Variants in GAS2 observed in about 807,000 individuals in gnomAD.
GAS2 encodes growth arrest-specific protein 2.
A neutral mutation model predicts 37.5 loss-of-function variants in GAS2; 20 were observed. The observed-to-expected ratio is 0.53, with a 90% CI of 0.37 to 0.77. The LOEUF (loss-of-function observed/expected upper bound fraction) is 0.77. Among genes scored for constraint, GAS2 ranks in the 30% least tolerant of loss-of-function variants. The probability of loss-of-function intolerance (pLI) is 0.00; values close to 1 mark genes in which losing one functional copy is unlikely to be tolerated. For missense variants in GAS2, 336 were observed against 373.4 expected (o/e 0.90, Z 0.82); for synonymous variants, 144 against 132.2 (o/e 1.09, Z -0.61).
At chr11:22,747,690 C>T (rs1853487147) in intron 5 of GAS2, among the ~76,000 whole-genome samples, 1 of 152,088 alleles carries the variant, frequency 6.6e-6, no homozygotes, top group African/African-American at 2.4e-5. Flanking sequence ...ACTATCTAGT[C>T]ACAAGCAAAG....
intron 1 of GAS2, among the ~76,000 whole-genome samples, chr11:22,655,305 C>T (rs1056479043): frequency 4.6e-5 from 7 of 152,268 alleles, no homozygotes; most frequent in African/African-American, 1.7e-4. Context: ...TTTGATTCTG[C>T]ATTAGGTTAG....
chr11:22,640,237 G>A (rs780650282), intron 1 of GAS2, among the ~76,000 whole-genome samples: 14 of 152,230 alleles, frequency 9.2e-5, no homozygotes, highest in African/African-American at 3.4e-4. Context: ...GCTTTAAGTG[G>A]CCTTAAAGCC....
At position 22,812,766 on chromosome 11, in the gene GAS2, TAC is replaced by T. The variant is rs1201972500; in HGVS notation, c.*752_*753del. 6.6e-6 allele frequency: 1 copy of T among 152,602 alleles called. No homozygotes were observed. Among genetic ancestry groups the T allele is most frequent in the African/African-American group, 2.4e-5 (1 of 41,460 alleles). 9.5% of individuals were successfully genotyped at this position (152,602 alleles called of 1,614,324 possible). ...CGTTGATACTTTGACGAGTAAATTG[TAC>T]AGTCAAATGTTCATTGATTTCATGT... is the stretch of plus-strand genomic sequence containing the variant. On this transcript the variant is annotated 3_prime_UTR_variant, in exon 8 of 8. Coordinates refer to ENST00000454584, the MANE Select transcript of GAS2 (RefSeq NM_001143830.3).
At chr11:22,664,071 C>G (rs961123769), upstream of GAS2, among the ~76,000 whole-genome samples, 15 of 152,224 alleles carry the variant, frequency 9.9e-5, no homozygotes, top group Non-Finnish European at 1.9e-4. Context: ...ACTTGCTTCC[C>G]AAGCTGTCTT....
intron 3 of GAS2, among the ~76,000 whole-genome samples, chr11:22,706,368 T>A (rs1442893184): frequency 6.6e-6 from 1 of 151,894 alleles, no homozygotes; most frequent in Non-Finnish European, 1.5e-5. Context: ...AGTTTTAGGG[T>A]ACATGTGCAC....
chr11:22,683,945 G>C (rs2133935774), intron 2 of GAS2, among the ~76,000 whole-genome samples: 1 of 152,346 alleles, frequency 6.6e-6, no homozygotes, highest in Admixed American at 6.5e-5. Context: ...ATCAGTGCCA[G>C]AGTAAGTGAT....
intron 1 of GAS2, among the ~76,000 whole-genome samples, chr11:22,639,246 T>G (rs959990650): frequency 1.8e-4 from 28 of 152,180 alleles, no homozygotes; most frequent in African/African-American, 6.3e-4. Flanking sequence ...TCACACAGGC[T>G]TTGTCCTCAT....
chr11:22,641,332 A>ATT (rs1319492968), intron 1 of GAS2, among the ~76,000 whole-genome samples: 2 of 119,478 alleles, frequency 1.7e-5, no homozygotes, highest in Non-Finnish European at 3.3e-5. Flanking sequence ...CTTTATATAT[A>ATT]TATTTATATA....
intron 4 of GAS2, among the ~76,000 whole-genome samples, chr11:22,728,522 C>A (rs1198849584): frequency 1.3e-5 from 2 of 151,138 alleles, no homozygotes; most frequent in East Asian, 3.9e-4. Flanking sequence ...ATAAAAAGCC[C>A]ATAAGTTATA....
At chr11:22,697,006 G>A (rs1393755052) in intron 3 of GAS2, among the ~76,000 whole-genome samples, 2 of 151,270 alleles carry the variant, frequency 1.3e-5, no homozygotes, top group African/African-American at 4.9e-5. Flanking sequence ...TTTTAGACAT[G>A]AAGTCCTTGC....
chr11:22,811,310 A>AT (rs1179560995), intron 7 of GAS2, among the ~76,000 whole-genome samples: 1 of 152,166 alleles, frequency 6.6e-6, no homozygotes, highest in Non-Finnish European at 1.5e-5. Flanking sequence ...AACTCCAATA[A>AT]TTTTTTTAGT....
chr11:22,779,933 T>C (rs1414210293), intron 7 of GAS2, among the ~76,000 whole-genome samples: 14 of 152,194 alleles, frequency 9.2e-5, no homozygotes, highest in Non-Finnish European at 4.4e-5. Flanking sequence ...CCTGTAATTT[T>C]CTTTCATGAC....
intron 7 of GAS2, among the ~76,000 whole-genome samples, chr11:22,757,126 G>A (rs114906039): frequency 0.014 from 2,102 of 152,136 alleles, 57 homozygotes; most frequent in African/African-American, 0.048. Flanking sequence ...TGTAATAAAA[G>A]TGTTAATAAA....
At chr11:22,663,411 A>T (rs528263326), upstream of GAS2, among the ~76,000 whole-genome samples, 20 of 152,160 alleles carry the variant, frequency 1.3e-4, no homozygotes, top group East Asian at 7.7e-4. Flanking sequence ...TTCTCAAAAA[A>T]AAAAATAAAA....
intron 7 of GAS2, among the ~76,000 whole-genome samples, chr11:22,763,112 G>C (rs564513888): frequency 6.6e-6 from 1 of 152,290 alleles, no homozygotes; most frequent in East Asian, 1.9e-4. Context: ...AGTCAGCAAA[G>C]GGATTTGAAA....
At chr11:22,802,914 A>G (rs1321704770) in intron 7 of GAS2, among the ~76,000 whole-genome samples, 2 of 152,118 alleles carry the variant, frequency 1.3e-5, no homozygotes, top group Non-Finnish European at 2.9e-5. Context: ...TATTCAGTAC[A>G]GTAATTTGCT....
chr11:22,771,473 T>C (rs1372522354), intron 7 of GAS2, among the ~76,000 whole-genome samples: 1 of 152,162 alleles, frequency 6.6e-6, no homozygotes, highest in Non-Finnish European at 1.5e-5. Context: ...CCTGACACCA[T>C]ACCAAACTTC....
intron 1 of GAS2, among the ~76,000 whole-genome samples, chr11:22,654,498 C>T (rs1423453333): frequency 6.6e-6 from 1 of 151,946 alleles, no homozygotes; most frequent in African/African-American, 2.4e-5. Context: ...TTGGCTCAAG[C>T]AATCCTCCCA....
At chr11:22,727,353 G>T (rs956905912) in intron 4 of GAS2, among the ~76,000 whole-genome samples, 3 of 152,090 alleles carry the variant, frequency 2.0e-5, no homozygotes, top group African/African-American at 7.2e-5. Flanking sequence ...TCAAAGTAAG[G>T]TGAGCATCCT....
Sources: gnomAD v4.1 joint callset for allele counts (sites outside exome capture counted in the v4.1 genomes callset) on GRCh38, gnomAD v4.1.1 for gene constraint, MANE v1.5 for transcripts, NCBI Gene and HGNC (gene_info 2026-07-23, HGNC 2026-07-21) for gene names.